Variants in CPM observed in about 807,000 individuals in gnomAD.
CPM encodes the protein renal carboxypeptidase.
Under a neutral mutation model 46.4 loss-of-function variants are expected in CPM, and 35 were observed. That is an observed-to-expected ratio of 0.75 (90% CI 0.58 to 1.00). CPM has a LOEUF of 1.00. Ranked by LOEUF, CPM falls within the 50% of genes least tolerant of loss-of-function variation. CPM has a pLI of 0.00. For synonymous variants in CPM, 195 were observed against 195.3 expected, an observed-to-expected ratio of 1.00 and a Z score of 0.01; for missense variants, 422 against 530.4, an observed-to-expected ratio of 0.80 and a Z score of 2.01.
intron 1 of CPM, among the ~76,000 whole-genome samples, chr12:68,942,465 A>T (rs1888780076): frequency 6.6e-6 from 1 of 152,262 alleles, no homozygotes; most frequent in South Asian, 2.1e-4. Flanking sequence ...ATGCACCGTT[A>T]TCACACTATT....
chr12:68,959,200 C>G (rs553910682), intron 1 of CPM, among the ~76,000 whole-genome samples: 1 of 152,126 alleles, frequency 6.6e-6, no homozygotes, highest in Admixed American at 6.5e-5. Flanking sequence ...ATCCCAGCAC[C>G]CACAGCAGTC....
chr12:68,934,440 A>G (rs1024922659), upstream of CPM, among the ~76,000 whole-genome samples: 3 of 152,152 alleles, frequency 2.0e-5, no homozygotes, highest in Non-Finnish European at 4.4e-5. Context: ...TTGCGCACTC[A>G]GGACTCCCTG....
Position 68,871,816 on chromosome 12 carries a change from G to C in CPM, c.399C>G (p.Val133=). 2 of 1,614,134 alleles carry C rather than the reference G, an allele frequency of 1.2e-6. No homozygotes were observed. Among genetic ancestry groups the C allele is most frequent in the Non-Finnish European group, 1.7e-6 (2 of 1,180,022 alleles). The change falls in exon 4 of 9, where the codon GTC becomes GTG. Residue 133 remains valine, a synonymous_variant. Transcript: ENST00000551568. ...PSMNPDGFEA[V]KKPDCYYSIG... is the part of the protein sequence containing the mutation. ...TGCTGTAATAACAGTCAGGCTTTTTGACGGCTTCAAATCCATCTGGGTTCA... is the reference window on the plus strand; with the variant it reads ...TGCTGTAATAACAGTCAGGCTTTTTCACGGCTTCAAATCCATCTGGGTTCA...
At chr12:68,915,793 A>T (rs1887780873) in intron 2 of CPM, among the ~76,000 whole-genome samples, 3 of 152,240 alleles carry the variant, frequency 2.0e-5, no homozygotes, top group Admixed American at 2.0e-4. Context: ...TAAAAGACAC[A>T]TTTGGGTTAC....
intron 2 of CPM, among the ~76,000 whole-genome samples, chr12:68,924,183 G>C (rs1321917178): frequency 6.6e-6 from 1 of 151,572 alleles, no homozygotes; most frequent in Non-Finnish European, 1.5e-5. Context: ...AAAATTGTGG[G>C]GAATAATGTA....
rs751697670 is a variant in CPM, at chr12:68,871,854, T to C, written c.361A>G (p.Ile121Val). 2 of 1,614,194 alleles carry C rather than the reference T, an allele frequency of 1.2e-6. No homozygotes were observed. Among genetic ancestry groups the C allele is most frequent in the Non-Finnish European group, 1.7e-6 (2 of 1,180,026 alleles). The change falls in exon 4 of 9, where the codon ATC becomes GTC. Residue 121 changes from isoleucine (I) to valine (V), a missense_variant. Transcript: ENST00000551568. ...TNLINSTRIH[I>V]MPSMNPDGFE... ...CCATCTGGGTTCATGGAAGGCATGA[T>C]GTGTATCCGGGTACTATTGATCAGA...
At chr12:68,946,381 A>G (rs894221273) in intron 1 of CPM, among the ~76,000 whole-genome samples, 1 of 152,138 alleles carries the variant, frequency 6.6e-6, no homozygotes, top group African/African-American at 2.4e-5. Flanking sequence ...GCTTTGCTGG[A>G]TGTTTTTTTA....
In CPM at chr12:68,927,855, C is replaced by G. The variant is rs148748122; in HGVS notation, c.160+4823G>C. 1.1e-4 allele frequency among the ~76,000 whole-genome samples: 16 copies of G among 152,120 alleles called. No homozygotes were observed. The East Asian group carries it at 3.1e-3, about 29-fold the overall frequency. On this transcript the variant is annotated intron_variant, in intron 2 of 8. Coordinates refer to ENST00000551568, the MANE Select transcript of CPM (RefSeq NM_198320.5). ...TCAAGGAGAACTACAAACCACTGCT[C>G]AATGAAATAAAAGAGGATACAAACA...
At chr12:68,915,287 G>T (rs1887759830) in intron 2 of CPM, among the ~76,000 whole-genome samples, 1 of 152,046 alleles carries the variant, frequency 6.6e-6, no homozygotes, top group African/African-American at 2.4e-5. Context: ...CAAATTAAGG[G>T]AACTTAGATG....
intron 1 of CPM, among the ~76,000 whole-genome samples, chr12:68,940,602 CA>C (rs750383289): frequency 5.4e-4 from 81 of 151,128 alleles, no homozygotes; most frequent in Non-Finnish European, 1.0e-3. Flanking sequence ...TGTATATGCC[CA>C]GAGCACCAGG....
At chr12:68,923,124 T>C (rs535381603) in intron 2 of CPM, among the ~76,000 whole-genome samples, 98 of 151,522 alleles carry the variant, frequency 6.5e-4, no homozygotes, top group African/African-American at 2.3e-3. Context: ...TTAGTCTCCT[T>C]CCCTTAACCC....
chr12:68,859,189 A>G, intron 7 of CPM, 118 bp from the exon 8 acceptor site: 1 of 538,624 alleles, frequency 1.9e-6, no homozygotes, highest in Non-Finnish European at 2.8e-6. Context: ...GTTGTGAGTT[A>G]ATATTAAGTG....
downstream of CPM, chr12:68,846,814 TCG>T (rs1884326454): frequency 3.3e-5 from 5 of 152,062 alleles, no homozygotes; most frequent in African/African-American, 1.2e-4. Flanking sequence ...TGGTACTTAC[TCG>T]CCTAGTGACC....
intron 3 of CPM, among the ~76,000 whole-genome samples, chr12:68,874,838 C>G (rs1399688174): frequency 2.6e-5 from 4 of 152,146 alleles, no homozygotes; most frequent in Non-Finnish European, 5.9e-5. Flanking sequence ...TCAGAATCCC[C>G]ATGTGACTCT....
chr12:68,895,535 G>A (rs1259638587), intron 2 of CPM, among the ~76,000 whole-genome samples: 1 of 152,152 alleles, frequency 6.6e-6, no homozygotes, highest in Non-Finnish European at 1.5e-5. Flanking sequence ...CTTTTCATAT[G>A]ACACTGCTTC....
intron 2 of CPM, among the ~76,000 whole-genome samples, chr12:68,892,412 A>G (rs534537641): frequency 6.6e-6 from 1 of 152,166 alleles, no homozygotes; most frequent in Non-Finnish European, 1.5e-5. Flanking sequence ...TAGCTGGTAC[A>G]TCCCAAATTG....
At chr12:68,931,763 A>AC in intron 2 of CPM, among the ~76,000 whole-genome samples, 1 of 132,542 alleles carries the variant, frequency 7.5e-6, no homozygotes, top group East Asian at 2.0e-4. Context: ...AAAAAAAAAA[A>AC]AAAGAAAGAA....
intron 1 of CPM, among the ~76,000 whole-genome samples, chr12:68,947,704 G>T (rs1212543334): frequency 6.6e-6 from 1 of 151,722 alleles, no homozygotes. Flanking sequence ...GAATGCAGTT[G>T]CACAATCAGG....
chr12:68,906,601 T>C (rs1049774280), intron 2 of CPM, among the ~76,000 whole-genome samples: 1 of 152,114 alleles, frequency 6.6e-6, no homozygotes, highest in Admixed American at 6.5e-5. Context: ...GTGATTCTCA[T>C]GCCTCAGCCT....
Sources: gnomAD v4.1 joint callset for allele counts (sites outside exome capture counted in the v4.1 genomes callset) on GRCh38, gnomAD v4.1.1 for gene constraint, MANE v1.5 for transcripts, NCBI Gene and HGNC (gene_info 2026-07-23, HGNC 2026-07-21) for gene names.